NLGN1: variants seen among roughly 807,000 people sequenced by gnomAD.
NLGN1 encodes the protein neuroligin 1.
In NLGN1, 12 loss-of-function variants were observed where a neutral mutation model predicts 65.5. That is an observed-to-expected ratio of 0.18 (90% CI 0.12 to 0.30). The LOEUF (loss-of-function observed/expected upper bound fraction) is 0.30. NLGN1 is among the 10% of genes least tolerant of loss of function. The pLI is 1.00. For missense variants in NLGN1, 750 were observed against 1,007.1 expected, an observed-to-expected ratio of 0.74 and a Z score of 3.46; for synonymous variants, 350 against 359.5, an observed-to-expected ratio of 0.97 and a Z score of 0.30.
At chr3:173,815,902 C>T (rs1718939428) in intron 4 of NLGN1, among the ~76,000 whole-genome samples, 1 of 151,688 alleles carries the variant, frequency 6.6e-6, no homozygotes, top group Admixed American at 6.6e-5. Context: ...GCCTCCTTTT[C>T]TTATTGACTT....
At chr3:174,049,557 C>G (rs1734359158) in intron 4 of NLGN1, among the ~76,000 whole-genome samples, 1 of 152,016 alleles carries the variant, frequency 6.6e-6, no homozygotes, top group African/African-American at 2.4e-5. Flanking sequence ...CAGTGTGTAA[C>G]TACTGGCAAA....
chr3:173,526,377 A>G (rs1735645569), intron 2 of NLGN1, among the ~76,000 whole-genome samples: 2 of 151,986 alleles, frequency 1.3e-5, no homozygotes, highest in African/African-American at 4.8e-5. Context: ...TGATATAAGA[A>G]TGGCTACTGC....
chr3:173,747,119 A>G (rs892443275), intron 3 of NLGN1, among the ~76,000 whole-genome samples: 1 of 148,994 alleles, frequency 6.7e-6, no homozygotes, highest in Admixed American at 6.7e-5. Context: ...TACCACGTGT[A>G]TACGTGTGTG....
At chr3:174,029,917 G>T (rs1729611626) in intron 4 of NLGN1, among the ~76,000 whole-genome samples, 1 of 152,108 alleles carries the variant, frequency 6.6e-6, no homozygotes, top group Admixed American at 6.5e-5. Flanking sequence ...CCAGCCATGT[G>T]AACTGTGAGT....
At chr3:173,539,791 T>C (rs553510654) in intron 2 of NLGN1, among the ~76,000 whole-genome samples, 174 of 97,986 alleles carry the variant, frequency 1.8e-3, no homozygotes, top group African/African-American at 6.2e-3. Flanking sequence ...TATATGTACA[T>C]ATATACATAT....
At chr3:174,006,581 G>A (rs542016372) in intron 4 of NLGN1, among the ~76,000 whole-genome samples, 4 of 151,872 alleles carry the variant, frequency 2.6e-5, no homozygotes, top group East Asian at 1.9e-4. Flanking sequence ...TATTTTAGTC[G>A]CCAACCAACC....
chr3:173,778,610 A>G (rs1780672785), intron 3 of NLGN1, among the ~76,000 whole-genome samples: 1 of 151,942 alleles, frequency 6.6e-6, no homozygotes, highest in Non-Finnish European at 1.5e-5. Context: ...TAAAATTGTT[A>G]CACAAAGATG....
chr3:173,664,290 A>G (rs1241416800), intron 3 of NLGN1, among the ~76,000 whole-genome samples: 1 of 152,034 alleles, frequency 6.6e-6, no homozygotes, highest in Non-Finnish European at 1.5e-5. Flanking sequence ...AAAAATTCAA[A>G]TGGTTCTCAG....
intron 4 of NLGN1, among the ~76,000 whole-genome samples, chr3:174,114,690 C>T (rs1158856076): frequency 9.9e-5 from 15 of 152,082 alleles, no homozygotes; most frequent in African/African-American, 2.4e-4. Flanking sequence ...TTTTATCTAA[C>T]GCTGCATAGT....
intron 3 of NLGN1, among the ~76,000 whole-genome samples, chr3:173,615,114 G>A (rs1752865105): frequency 6.6e-6 from 1 of 152,056 alleles, no homozygotes; most frequent in African/African-American, 2.4e-5. Flanking sequence ...GGGTAGAGGG[G>A]AAGAAAACAT....
intron 4 of NLGN1, among the ~76,000 whole-genome samples, chr3:174,082,370 A>G (rs1742411296): frequency 6.6e-6 from 1 of 152,118 alleles, no homozygotes; most frequent in Non-Finnish European, 1.5e-5. Context: ...AAAACAAATA[A>G]TAATTTAAAT....
chr3:173,437,001 A>G (rs1186803610), intron 2 of NLGN1, among the ~76,000 whole-genome samples: 1 of 152,204 alleles, frequency 6.6e-6, no homozygotes, highest in Non-Finnish European at 1.5e-5. Context: ...GTCCAGATCT[A>G]AAGTCATCCT....
intron 3 of NLGN1, among the ~76,000 whole-genome samples, chr3:173,714,943 A>C (rs1769599037): frequency 6.6e-6 from 1 of 152,108 alleles, no homozygotes; most frequent in Non-Finnish European, 1.5e-5. Flanking sequence ...AAGAGCTTAG[A>C]TCTTTAGAAG....
chr3:174,047,351 A>G (rs1242506145), intron 4 of NLGN1, among the ~76,000 whole-genome samples: 2 of 152,010 alleles, frequency 1.3e-5, no homozygotes, highest in African/African-American at 4.8e-5. Context: ...TACCTAAGAG[A>G]TTTCAATTTT....
At chr3:174,122,359 A>C (rs1717954943) in intron 4 of NLGN1, among the ~76,000 whole-genome samples, 1 of 152,174 alleles carries the variant, frequency 6.6e-6, no homozygotes, top group Non-Finnish European at 1.5e-5. Flanking sequence ...CATGAAGGAA[A>C]GGCTTAATAA....
rs543832566 is a variant in NLGN1, at chr3:173,680,938, C to A, written c.493+75847C>A. ...TGGAAAACTGGGTCAGATTTTCTTT[C>A]TGCTTCAGGCTACATTTTTTTTAAA... On this transcript the variant is annotated intron_variant, in intron 3 of 6. Transcript: ENST00000457714. Among the ~76,000 whole-genome samples the A allele has an allele frequency of 8.5e-5, 13 of 152,246 alleles. 1 individual carries two copies. The South Asian group carries it at 2.7e-3, about 32-fold the overall frequency.
intron 4 of NLGN1, among the ~76,000 whole-genome samples, chr3:173,885,432 T>A (rs1426460560): frequency 1.3e-5 from 2 of 152,176 alleles, no homozygotes; most frequent in Admixed American, 1.3e-4. Flanking sequence ...TTATTTTCAC[T>A]ACTATATTAA....
intron 2 of NLGN1, among the ~76,000 whole-genome samples, chr3:173,489,847 A>AT (rs1482593766): frequency 2.6e-5 from 4 of 151,902 alleles, no homozygotes; most frequent in Non-Finnish European, 4.4e-5. Flanking sequence ...GATGATGAGC[A>AT]TTTTTTCATG....
intron 4 of NLGN1, among the ~76,000 whole-genome samples, chr3:174,135,636 T>C (rs1179815036): frequency 1.3e-5 from 2 of 152,242 alleles, no homozygotes; most frequent in South Asian, 2.1e-4. Context: ...AATTTACATA[T>C]TTACAGTAGT....
Sources: allele counts gnomAD v4.1 joint callset (sites outside exome capture counted in the v4.1 genomes callset), GRCh38; gene constraint gnomAD v4.1.1; transcripts MANE v1.5; gene names NCBI Gene and HGNC (gene_info 2026-07-23, HGNC 2026-07-21).